The following HAUS5 variants were observed in gnomAD, a reference collection of about 807,000 sequenced individuals.
HAUS5 encodes HAUS augmin like complex subunit 5.
In HAUS5, 67 loss-of-function variants were observed where a neutral mutation model predicts 94.1. That is an observed-to-expected ratio of 0.71 (90% CI 0.58 to 0.87). HAUS5 has a LOEUF of 0.87. HAUS5 is among the 40% of genes least tolerant of loss of function. The pLI is 0.00. For missense variants in HAUS5, 739 were observed against 825.6 expected, an observed-to-expected ratio of 0.90 and a Z score of 1.29; for synonymous variants, 339 against 355.4, an observed-to-expected ratio of 0.95 and a Z score of 0.52.
intron 6 of HAUS5, 21 bp downstream of exon 6, chr19:35,615,407 C>G: frequency 6.3e-7 from 1 of 1,581,050 alleles, no homozygotes; most frequent in Non-Finnish European, 8.6e-7. Flanking sequence ...GGGACCCACC[C>G]TCACCAGGCT....
chr19:35,620,150 C>A, intron 16 of HAUS5, 27 bp downstream of exon 16: 1 of 1,610,792 alleles, frequency 6.2e-7, no homozygotes, highest in Non-Finnish European at 8.5e-7. Flanking sequence ...TGTGACTTGT[C>A]TCCCCAGCCC....
intron 1 of HAUS5, among the ~76,000 whole-genome samples, chr19:35,613,256 G>A (rs187494417): frequency 1.1e-4 from 17 of 152,012 alleles, no homozygotes; most frequent in Admixed American, 5.2e-4. Flanking sequence ...TCATGAGATG[G>A]CACTTCCTGG....
At chr19:35,621,797 C>T (rs1967212856) in intron 17 of HAUS5, among the ~76,000 whole-genome samples, 1 of 152,116 alleles carries the variant, frequency 6.6e-6, no homozygotes. Flanking sequence ...TTCCACCTGA[C>T]AGCAGACGGA....
chr19:35,624,027 C>T lies in HAUS5; in HGVS notation c.*1034C>T, dbSNP rs1396517489. On this transcript the variant is annotated 3_prime_UTR_variant, in exon 19 of 19. Coordinates refer to ENST00000203166, the MANE Select transcript of HAUS5 (RefSeq NM_015302.2). ...CTCCAGACCTGCTTTGTATTTAACT[C>T]TCCATGTGTCATTCCTACAGTAGCT... 1 of 151,868 alleles carries T rather than the reference C, an allele frequency of 6.6e-6. No homozygotes were observed. The highest frequency in any genetic ancestry group is 1.5e-5 in the Non-Finnish European group (1 of 68,008). 9.4% of individuals were successfully genotyped at this position (151,868 alleles called of 1,614,324 possible). A position where few individuals can be genotyped will look rare whatever the true frequency, so the allele number is the denominator to read the frequency against.
At chr19:35,619,584 G>GGGCCCC in intron 14 of HAUS5, 29 bp from the exon 15 acceptor site, 20 of 1,533,796 alleles carry the variant, frequency 1.3e-5, no homozygotes, top group East Asian at 2.3e-5. Context: ...ATGTTGTGAT[G>GGGCCCC]CCCCACCCAC....
rs2071927518 is a variant in HAUS5 at position 35,614,907 on chromosome 19, C to T, written c.220-135C>T. 3 of 630,362 alleles carry T rather than the reference C, an allele frequency of 4.8e-6. No homozygotes were observed. The South Asian group carries it at 5.8e-5, about 12-fold the overall frequency. 39.0% of individuals were successfully genotyped at this position (630,362 alleles called of 1,614,324 possible). A position where few individuals can be genotyped will look rare whatever the true frequency, so the allele number is the denominator to read the frequency against. On this transcript the variant is annotated intron_variant, in intron 4 of 18. Transcript: ENST00000203166. Reference sequence around the variant, plus strand: ...AGGAAGGAGGGAGGGAGCCAATACCCTAATGCTTCTGTGTCAGACACAGAA... The same window carrying T: ...AGGAAGGAGGGAGGGAGCCAATACCTTAATGCTTCTGTGTCAGACACAGAA...
At chr19:35,616,939 G>A (rs2071948626) in intron 6 of HAUS5, among the ~76,000 whole-genome samples, 185 bp from the exon 7 acceptor site, 1 of 152,196 alleles carries the variant, frequency 6.6e-6, no homozygotes. Context: ...GTCTCGTGGA[G>A]CAAAAGCAGT....
chr19:35,618,428 C>G lies in HAUS5; in HGVS notation c.848C>G (p.Ser283Cys). The G allele has an allele frequency of 6.2e-7, 1 of 1,604,570 alleles. No individual in the cohort carries two copies. Among genetic ancestry groups the G allele is most frequent in the Non-Finnish European group, 8.5e-7 (1 of 1,172,806 alleles). Residue 283 changes from serine to cysteine, a missense_variant, in exon 11 of 19, where the codon TCC becomes TGC. Physicochemically the swap from Ser to Cys is moderately radical, Grantham distance 112. Coordinates refer to ENST00000203166, the MANE Select transcript of HAUS5 (RefSeq NM_015302.2). ...SRPQAPDQSD[S>C]SQTLPSMVHL... ...CCCCAGGCCCCGGACCAGTCAGACT[C>G]CAGCCAGACCCTGCCGTCCATGGTT...
intron 14 of HAUS5, 45 bp downstream of exon 14, chr19:35,619,549 C>T: frequency 6.2e-7 from 1 of 1,604,668 alleles, no homozygotes; most frequent in Non-Finnish European, 8.5e-7. Flanking sequence ...CTGGATCTGC[C>T]AGGATGGGGC....
At chr19:35,616,701 A>T (rs2071946334) in intron 6 of HAUS5, among the ~76,000 whole-genome samples, 1 of 152,116 alleles carries the variant, frequency 6.6e-6, no homozygotes, top group South Asian at 2.1e-4. Flanking sequence ...TATTTTTAGT[A>T]GAGACGGGGT....
chr19:35,623,318 A>AACTT lies in HAUS5; in HGVS notation c.*325_*326insACTT, dbSNP rs1967247677. On this transcript the variant is annotated 3_prime_UTR_variant, in exon 19 of 19. Transcript: ENST00000203166. ...CCAGCAGTTGAGTTCTAGGGCAGGG[A>AACTT]GACAGAGTTTACAAGATAAGGAAAA... The AACTT allele has an allele frequency of 3.5e-6, 1 of 281,882 alleles. No homozygotes were observed. Among genetic ancestry groups the AACTT allele is most frequent in the Admixed American group, 4.8e-5 (1 of 20,774 alleles). The allele number at this position is 281,882 out of a possible 1,614,324, so 17.5% of individuals were successfully genotyped here.
At chr19:35,614,321 A>T (rs1046845925) in intron 4 of HAUS5, 27 of 543,414 alleles carry the variant, frequency 5.0e-5, no homozygotes, top group Non-Finnish European at 7.9e-5. Flanking sequence ...GGGCTCCAGG[A>T]AGCGATCAGT....
At chr19:35,618,216 A>G in intron 10 of HAUS5, 21 bp downstream of exon 10, 1 of 1,593,626 alleles carries the variant, frequency 6.3e-7, no homozygotes, top group Non-Finnish European at 8.6e-7. Context: ...GGGTATTCTC[A>G]CAGTTGGGGA....
At chr19:35,617,783 G>A in intron 8 of HAUS5, 72 bp from the exon 9 acceptor site, 1 of 1,285,468 alleles carries the variant, frequency 7.8e-7, no homozygotes, top group Non-Finnish European at 1.1e-6. Flanking sequence ...CTACCTTATA[G>A]GGTGGTGGTG....
rs193073168 is a variant in HAUS5 at position 35,619,498 on chromosome 19, G to A, written c.1254G>A (p.Pro418=). The A allele has an allele frequency of 4.0e-5, 65 of 1,608,416 alleles. No individual in the cohort carries two copies. The highest frequency in any genetic ancestry group is 1.7e-4 in the Admixed American group (10 of 59,676). Residue 418 remains proline, a synonymous_variant, in exon 14 of 19, where the codon CCG becomes CCA. Transcript: ENST00000203166. ...SASKTRLCRS[P]GEVLALVQRK... Reference sequence around the variant, plus strand: ...GCAAGACCCGCCTGTGCCGGAGCCCGGGGGAGGTGAGATGGGAGTTGGGGT... The same window carrying A: ...GCAAGACCCGCCTGTGCCGGAGCCCAGGGGAGGTGAGATGGGAGTTGGGGT...
rs1365299234 is a variant in HAUS5, at chr19:35,618,884, C to A, written c.1017-3C>A. Reference sequence around the variant, plus strand: ...CCTTTGCTCTCCTCCACTTGCCCTGCAGGCAGGTGCTGATACTGGGGCTTC... The same window carrying A: ...CCTTTGCTCTCCTCCACTTGCCCTGAAGGCAGGTGCTGATACTGGGGCTTC... On this transcript the variant is annotated splice_region_variant and splice_polypyrimidine_tract_variant and intron_variant, in intron 12 of 18. Coordinates refer to ENST00000203166, the MANE Select transcript of HAUS5 (RefSeq NM_015302.2). The A allele has an allele frequency of 1.3e-6, 2 of 1,597,720 alleles. No homozygotes were observed. The highest frequency in any genetic ancestry group is 1.7e-6 in the Non-Finnish European group (2 of 1,172,690).
chr19:35,617,006 G>C, intron 6 of HAUS5, 118 bp from the exon 7 acceptor site: 1 of 778,712 alleles, frequency 1.3e-6, no homozygotes. Context: ...TCTGGAGATG[G>C]CTCCCGAGAT....
Position 35,613,885 on chromosome 19 carries a change from G to A in HAUS5, c.179G>A (p.Arg60Gln), listed in dbSNP as rs773784343. The stretch of plus-strand genomic sequence containing the variant: ...CACTGTAGGACTGTCAAGAAGATCC[G>A]GGGAAACCTACTCTGGTAACTGCTT... The part of the protein sequence containing the change: ...VHSQRTVKKI[R>Q]GNLLWYGHQD... Residue 60 changes from arginine (R) to glutamine (Q), a missense_variant, in exon 3 of 19, where the codon CGG becomes CAG. By Grantham distance (43) the Arg-to-Gln change is conservative. Transcript: ENST00000203166. The A allele has an allele frequency of 1.3e-5, 21 of 1,614,006 alleles. No individual in the cohort carries two copies. Among genetic ancestry groups the A allele is most frequent in the Middle Eastern group, 1.6e-4 (1 of 6,062 alleles).
Position 35,620,092 on chromosome 19 carries a change from T to A in HAUS5, c.1487T>A (p.Leu496Gln), listed in dbSNP as rs1967184976. The A allele has an allele frequency of 6.2e-7, 1 of 1,613,146 alleles. No individual in the cohort carries two copies. Among genetic ancestry groups the A allele is most frequent in the Admixed American group, 1.7e-5 (1 of 59,960 alleles). ...CCAAGGGGCTCCAGCTTCATAGCGC[T>A]GAGCCACAAGCTGGGGCTGCCTCCA... Reference protein sequence around the residue: ...ASPRGSSFIALSHKLGLPPGK... With the variant: ...ASPRGSSFIAQSHKLGLPPGK... Residue 496 changes from leucine to glutamine, a missense_variant, in exon 16 of 19, where the codon CTG (leucine) becomes CAG (glutamine). Transcript: ENST00000203166.
Sources: gnomAD v4.1 joint callset for allele counts (sites outside exome capture counted in the v4.1 genomes callset) on GRCh38, gnomAD v4.1.1 for gene constraint, MANE v1.5 for transcripts, NCBI Gene and HGNC (gene_info 2026-07-23, HGNC 2026-07-21) for gene names.